SRGAP1: variants seen among roughly 807,000 people sequenced by gnomAD.
The protein encoded by SRGAP1 is SLIT-ROBO Rho GTPase activating protein 1.
In SRGAP1, 43 loss-of-function variants were observed where a neutral mutation model predicts 121.9. The ratio of observed to expected loss-of-function variants is 0.35; its 90% CI spans 0.28 to 0.46. The LOEUF is 0.46. SRGAP1 is among the 20% of genes least tolerant of loss of function. The probability of loss-of-function intolerance (pLI) is 1.00; values close to 1 mark genes in which losing one functional copy is unlikely to be tolerated. For missense variants in SRGAP1, 1,102 were observed against 1,350.9 expected (o/e 0.82, Z 2.89); for synonymous variants, 447 against 485.4 (o/e 0.92, Z 1.04).
intron 1 of SRGAP1, among the ~76,000 whole-genome samples, chr12:63,919,682 A>G (rs2030963785): frequency 6.6e-6 from 1 of 151,774 alleles, no homozygotes. Context: ...TGAAGCAACT[A>G]CTTCCTAATT....
intron 3 of SRGAP1, among the ~76,000 whole-genome samples, chr12:64,011,145 T>C (rs2034240972): frequency 6.6e-6 from 1 of 151,972 alleles, no homozygotes; most frequent in Admixed American, 6.6e-5. Flanking sequence ...GGTGTGGGAT[T>C]TGTGGAAAGT....
At chr12:63,942,041 C>G (rs2031885798) in intron 1 of SRGAP1, among the ~76,000 whole-genome samples, 1 of 152,070 alleles carries the variant, frequency 6.6e-6, no homozygotes, top group Non-Finnish European at 1.5e-5. Context: ...GAGGGGAACT[C>G]CTTTGAAGGA....
In SRGAP1 at chr12:64,147,405, A is replaced by C; in HGVS notation, c.*4733A>C. On this transcript the variant is annotated 3_prime_UTR_variant, in exon 22 of 22. Transcript: ENST00000355086. ...TCCTGCTGCCCACTCGAGTGTTTCGAAGCTTCCTCCCTGTCCCCCACCTTC... is the reference window on the plus strand; with the variant it reads ...TCCTGCTGCCCACTCGAGTGTTTCGCAGCTTCCTCCCTGTCCCCCACCTTC... 2 of 133,782 alleles carry C rather than the reference A, an allele frequency of 1.5e-5. No individual in the cohort carries two copies. The highest frequency in any genetic ancestry group is 2.7e-5 in the Non-Finnish European group (2 of 73,256). The allele number at this position is 133,782 out of a possible 1,614,324, so 8.3% of individuals were successfully genotyped here.
chr12:64,025,763 A>G (rs970850447), intron 4 of SRGAP1, among the ~76,000 whole-genome samples: 1 of 152,150 alleles, frequency 6.6e-6, no homozygotes, highest in Admixed American at 6.5e-5. Context: ...AGAAAGAGGG[A>G]CTGGGGTCAT....
intron 1 of SRGAP1, among the ~76,000 whole-genome samples, chr12:63,899,836 G>C (rs920159780): frequency 2.0e-5 from 3 of 152,200 alleles, no homozygotes; most frequent in Non-Finnish European, 2.9e-5. Context: ...ATATATGTTT[G>C]TAAGTTTAAA....
chr12:63,920,204 AT>A (rs2030985384), intron 1 of SRGAP1, among the ~76,000 whole-genome samples: 1 of 152,230 alleles, frequency 6.6e-6, no homozygotes, highest in African/African-American at 2.4e-5. Flanking sequence ...TCTGGTGGGT[AT>A]AACATTGCAT....
At chr12:64,130,392 G>A (rs532695449) in intron 21 of SRGAP1, among the ~76,000 whole-genome samples, 3 of 152,212 alleles carry the variant, frequency 2.0e-5, no homozygotes, top group Non-Finnish European at 2.9e-5. Flanking sequence ...ATAATGTCGC[G>A]GGAACAGGAA....
intron 1 of SRGAP1, among the ~76,000 whole-genome samples, chr12:63,873,127 A>G (rs1263444704): frequency 6.6e-6 from 1 of 152,220 alleles, no homozygotes; most frequent in South Asian, 2.1e-4. Context: ...TATTGGGCAT[A>G]GAGTTTATGC....
intron 18 of SRGAP1, among the ~76,000 whole-genome samples, chr12:64,123,872 A>G (rs907537550): frequency 1.3e-5 from 2 of 152,108 alleles, no homozygotes; most frequent in African/African-American, 4.8e-5. Context: ...TGGGAAGCCT[A>G]CTGTGCAGAT....
chr12:63,930,054 G>T lies in SRGAP1; in HGVS notation c.68-53893G>T, dbSNP rs142456364. On this transcript the variant is annotated intron_variant, in intron 1 of 21. Coordinates refer to ENST00000355086, the MANE Select transcript of SRGAP1 (RefSeq NM_020762.4). ...AAAAGTCAGGAAACAATAGATGCTG[G>T]TGAGGTTGTGGAGAAATAGGAACGC... Among the ~76,000 whole-genome samples the T allele has an allele frequency of 9.5e-3, 1,442 of 152,300 alleles. 24 individuals are homozygous for T. Among genetic ancestry groups the T allele is most frequent in the African/African-American group, 0.032 (1,338 of 41,554 alleles).
chr12:64,137,952 TAAAA>T (rs142595703), intron 21 of SRGAP1, among the ~76,000 whole-genome samples: 1 of 138,990 alleles, frequency 7.2e-6, no homozygotes, highest in African/African-American at 2.6e-5. Context: ...TAATTGTGCT[TAAAA>T]AAAAAATATA....
chr12:63,879,407 G>A (rs569428603), intron 1 of SRGAP1: 10 of 152,172 alleles, frequency 6.6e-5, no homozygotes, highest in Admixed American at 2.0e-4. Context: ...CTATGGTGAA[G>A]GCCTAATTTT....
At chr12:64,132,486 A>G (rs1324523225) in intron 21 of SRGAP1, among the ~76,000 whole-genome samples, 1 of 152,218 alleles carries the variant, frequency 6.6e-6, no homozygotes, top group African/African-American at 2.4e-5. Context: ...GTTGCCTCCA[A>G]AATCCAAATA....
chr12:63,852,170 G>A (rs1396829613), intron 1 of SRGAP1, among the ~76,000 whole-genome samples: 1 of 151,854 alleles, frequency 6.6e-6, no homozygotes, highest in Non-Finnish European at 1.5e-5. Flanking sequence ...TGTATTTTTT[G>A]TAGAGACGGG....
At chr12:63,885,663 T>C (rs1900353719) in intron 1 of SRGAP1, among the ~76,000 whole-genome samples, 1 of 152,214 alleles carries the variant, frequency 6.6e-6, no homozygotes, top group Non-Finnish European at 1.5e-5. Flanking sequence ...TGAGAGTTTT[T>C]TGACCCACAA....
chr12:63,854,890 C>T (rs1899187760), intron 1 of SRGAP1, among the ~76,000 whole-genome samples: 2 of 152,308 alleles, frequency 1.3e-5, no homozygotes, highest in South Asian at 4.2e-4. Context: ...TGCTGGGTCA[C>T]TGGGAATGTG....
In SRGAP1 at chr12:64,103,657, A is replaced by G. The variant is rs145529070; in HGVS notation, c.1814-5275A>G. 3.0e-3 allele frequency among the ~76,000 whole-genome samples: 454 copies of G among 152,240 alleles called. 1 individual carries two copies. Among genetic ancestry groups the G allele is most frequent in the Non-Finnish European group, 4.8e-3 (329 of 68,002 alleles). On this transcript the variant is annotated intron_variant, in intron 15 of 21. Coordinates refer to ENST00000355086, the MANE Select transcript of SRGAP1 (RefSeq NM_020762.4). ...TTGATGCCTTATAATAATGTTCTTAATTTTTCCTTTATCCTTAAAAATATT... is the reference window on the plus strand; with the variant it reads ...TTGATGCCTTATAATAATGTTCTTAGTTTTTCCTTTATCCTTAAAAATATT...
chr12:63,981,041 GCA>G (rs1565980116), intron 1 of SRGAP1, among the ~76,000 whole-genome samples: 1 of 152,046 alleles, frequency 6.6e-6, no homozygotes, highest in East Asian at 1.9e-4. Flanking sequence ...GTTGATTTTC[GCA>G]CAGTGATGCT....
chr12:63,949,194 TC>T (rs1438625287), intron 1 of SRGAP1, among the ~76,000 whole-genome samples: 3 of 136,178 alleles, frequency 2.2e-5, no homozygotes, highest in African/African-American at 5.4e-5. Flanking sequence ...TATTTTTTTT[TC>T]CATATATATA....
Sources: allele counts gnomAD v4.1 joint callset (sites outside exome capture counted in the v4.1 genomes callset), GRCh38; gene constraint gnomAD v4.1.1; transcripts MANE v1.5; gene names NCBI Gene and HGNC (gene_info 2026-07-23, HGNC 2026-07-21).